Variants in SDK1 observed in about 807,000 individuals in gnomAD.
The protein encoded by SDK1 is protein sidekick-1.
In SDK1, 157 loss-of-function variants were observed where a neutral mutation model predicts 245.5. The ratio of observed to expected loss-of-function variants is 0.64; its 90% CI spans 0.56 to 0.73. The LOEUF is 0.73. SDK1 is among the 30% of genes least tolerant of loss of function. The pLI, the probability that SDK1 is intolerant of heterozygous loss-of-function variation, is 0.00. For missense variants in SDK1, 3,583 were observed against 3,002.3 expected, an observed-to-expected ratio of 1.19 and a Z score of -4.52; for synonymous variants, 1,647 against 1,278.5, an observed-to-expected ratio of 1.29 and a Z score of -6.15.
At chr7:3,802,629 C>T (rs1475411369) in intron 4 of SDK1, among the ~76,000 whole-genome samples, 1 of 151,894 alleles carries the variant, frequency 6.6e-6, no homozygotes, top group Non-Finnish European at 1.5e-5. Context: ...CTGGCAGCTT[C>T]CCAACCTGGC....
In SDK1 at chr7:3,759,672, A is replaced by G. The variant is rs1986132; in HGVS notation, c.714-61778A>G. On this transcript the variant is annotated intron_variant, in intron 4 of 44. Coordinates refer to ENST00000404826, the MANE Select transcript of SDK1 (RefSeq NM_152744.4). The stretch of plus-strand genomic sequence containing the variant: ...TGGAGTGCAGCCTTAGCTCATTGCA[A>G]CCTCCACCTCCCGGGTTCAGGCGAT... Among the ~76,000 whole-genome samples the G allele has an allele frequency of 4.9e-3, 748 of 151,142 alleles. 7 individuals carry two copies. Among genetic ancestry groups the G allele is most frequent in the South Asian group, 0.016 (74 of 4,764 alleles).
At chr7:3,406,946 T>C (rs1308492513) in intron 1 of SDK1, among the ~76,000 whole-genome samples, 2 of 149,474 alleles carry the variant, frequency 1.3e-5, no homozygotes, top group African/African-American at 5.1e-5. Flanking sequence ...CCTTTTTTAG[T>C]TTTAAACTCT....
chr7:3,804,676 G>A (rs745851749), intron 4 of SDK1, among the ~76,000 whole-genome samples: 1 of 152,170 alleles, frequency 6.6e-6, no homozygotes, highest in Non-Finnish European at 1.5e-5. Context: ...ACTTTGTTGT[G>A]TTTTCCAATC....
chr7:4,125,405 TGGATGGA>T (rs1784329080), intron 25 of SDK1, among the ~76,000 whole-genome samples: 1 of 148,966 alleles, frequency 6.7e-6, no homozygotes, highest in South Asian at 2.1e-4. Flanking sequence ...GATGGATAGA[TGGATGGA>T]TGATGGATGG....
At chr7:3,495,738 A>T (rs1033182550) in intron 1 of SDK1, among the ~76,000 whole-genome samples, 2 of 152,208 alleles carry the variant, frequency 1.3e-5, no homozygotes, top group African/African-American at 4.8e-5. Context: ...TCCACATGCC[A>T]CGAGGCGAGA....
chr7:3,312,289 C>G (rs1006810723), intron 1 of SDK1, among the ~76,000 whole-genome samples: 5 of 152,212 alleles, frequency 3.3e-5, no homozygotes, highest in Admixed American at 3.3e-4. Context: ...AATTAAAAAT[C>G]TAAGACTCTT....
Position 4,171,784 on chromosome 7 carries a change from C to T in SDK1, c.4801-2438C>T, listed in dbSNP as rs113888061. ...ATGCCGGGCAGTGCCATTTCCCCAT[C>T]TCTGGTCTGTGGTGGGCAGCGGGAG... On this transcript the variant is annotated intron_variant, in intron 32 of 44. Coordinates refer to ENST00000404826, the MANE Select transcript of SDK1 (RefSeq NM_152744.4). 2.6e-3 allele frequency among the ~76,000 whole-genome samples: 403 copies of T among 152,368 alleles called. 2 individuals are homozygous for T. Among genetic ancestry groups the T allele is most frequent in the African/African-American group, 8.7e-3 (363 of 41,592 alleles).
chr7:3,664,759 T>G (rs1054957883), intron 4 of SDK1, among the ~76,000 whole-genome samples: 3 of 147,552 alleles, frequency 2.0e-5, no homozygotes, highest in African/African-American at 7.5e-5. Context: ...AAAAAAAAAT[T>G]GAGAACTAGC....
rs537410227 is a variant in SDK1 at position 4,051,664 on chromosome 7, C to T, written c.2745C>T (p.Pro915=). The T allele has an allele frequency of 7.4e-6, 12 of 1,612,290 alleles. No individual in the cohort carries two copies. The highest frequency in any genetic ancestry group is 4.0e-5 in the African/African-American group (3 of 74,828). The change falls in exon 19 of 45, where the codon CCC becomes CCT. Residue 915 remains proline, a synonymous_variant. Coordinates refer to ENST00000404826, the MANE Select transcript of SDK1 (RefSeq NM_152744.4). ...TTCTGGCATGGCCGGCAGATGCCCC[C>T]GAGGCTGTCACTGTGGTCACTATTG... ...YKLLAWPADA[P]EAVTVVTIAP... is the part of the protein sequence containing the mutation.
intron 1 of SDK1, among the ~76,000 whole-genome samples, chr7:3,351,205 A>C (rs529457484): frequency 6.6e-6 from 1 of 152,298 alleles, no homozygotes; most frequent in South Asian, 2.1e-4. Flanking sequence ...GTTGTATTGT[A>C]ATTTCATAAA....
At chr7:3,807,947 C>G (rs1779291990) in intron 4 of SDK1, among the ~76,000 whole-genome samples, 1 of 152,162 alleles carries the variant, frequency 6.6e-6, no homozygotes, top group South Asian at 2.1e-4. Flanking sequence ...CCTGCCAACA[C>G]TAAGGGATGG....
intron 1 of SDK1, among the ~76,000 whole-genome samples, chr7:3,414,189 G>C (rs993484585): frequency 7.2e-5 from 11 of 152,152 alleles, no homozygotes; most frequent in African/African-American, 2.7e-4. Flanking sequence ...TAGAATTTTG[G>C]CTTGAGCAAG....
At chr7:4,209,990 C>T in intron 37 of SDK1, 35 bp from the exon 38 acceptor site, 1 of 1,518,314 alleles carries the variant, frequency 6.6e-7, no homozygotes, top group Admixed American at 2.2e-5. Context: ...ATGTAGGAGC[C>T]CCTGTAAAAG....
intron 4 of SDK1, among the ~76,000 whole-genome samples, chr7:3,714,270 G>A (rs1785135882): frequency 6.6e-6 from 1 of 152,160 alleles, no homozygotes; most frequent in Non-Finnish European, 1.5e-5. Context: ...CAGACCCGTT[G>A]CTTAAAATCT....
chr7:4,032,940 AT>A (rs1325902275), intron 17 of SDK1, among the ~76,000 whole-genome samples: 1 of 152,168 alleles, frequency 6.6e-6, no homozygotes, highest in Non-Finnish European at 1.5e-5. Flanking sequence ...ATAATAACAG[AT>A]TTTTTTCTGG....
chr7:3,490,997 G>A (rs1431729219), intron 1 of SDK1, among the ~76,000 whole-genome samples: 1 of 152,210 alleles, frequency 6.6e-6, no homozygotes, highest in Non-Finnish European at 1.5e-5. Flanking sequence ...TCAACAGACT[G>A]ATCACCTTGC....
At chr7:3,800,543 G>A (rs895197415) in intron 4 of SDK1, among the ~76,000 whole-genome samples, 21 of 151,846 alleles carry the variant, frequency 1.4e-4, no homozygotes, top group South Asian at 2.1e-4. Flanking sequence ...CACCACACCC[G>A]GCTAATTTTT....
At chr7:3,612,379 T>A (rs191981609) in intron 1 of SDK1, among the ~76,000 whole-genome samples, 9 of 152,342 alleles carry the variant, frequency 5.9e-5, no homozygotes, top group Non-Finnish European at 1.5e-5. Flanking sequence ...TTGAAAATCA[T>A]AATTGTTGTC....
At chr7:4,254,175 C>T (rs1252295238) in intron 44 of SDK1, among the ~76,000 whole-genome samples, 1 of 151,736 alleles carries the variant, frequency 6.6e-6, no homozygotes, top group Non-Finnish European at 1.5e-5. Flanking sequence ...GTCATTATTA[C>T]TTTGAGTGTT....
Sources: gnomAD v4.1 joint callset for allele counts (sites outside exome capture counted in the v4.1 genomes callset) on GRCh38, gnomAD v4.1.1 for gene constraint, MANE v1.5 for transcripts, NCBI Gene and HGNC (gene_info 2026-07-23, HGNC 2026-07-21) for gene names.